The following DGKG variants were observed in gnomAD, a reference collection of about 807,000 sequenced individuals.
DGKG encodes the protein DAG kinase gamma.
In DGKG, 78 loss-of-function variants were observed where a neutral mutation model predicts 105.3. That is an observed-to-expected ratio of 0.74 (90% CI 0.62 to 0.89). The LOEUF (loss-of-function observed/expected upper bound fraction) is 0.89. Ranked by LOEUF, DGKG falls within the 40% of genes least tolerant of loss-of-function variation. The pLI is 0.00. For synonymous variants in DGKG, 346 were observed against 367.1 expected (o/e 0.94, Z 0.66); for missense variants, 958 against 1,020.1 (o/e 0.94, Z 0.83).
At chr3:186,323,980 T>C (rs1043874130) in intron 1 of DGKG, among the ~76,000 whole-genome samples, 1 of 147,542 alleles carries the variant, frequency 6.8e-6, no homozygotes, top group Middle Eastern at 3.6e-3. Flanking sequence ...TCGTGGTGCA[T>C]GCTTGTAATC....
chr3:186,305,473 T>G (rs1724189726), intron 3 of DGKG, among the ~76,000 whole-genome samples: 1 of 152,008 alleles, frequency 6.6e-6, no homozygotes, highest in Non-Finnish European at 1.5e-5. Flanking sequence ...GTCAGAGAGC[T>G]GGGGGAGGTG....
intron 15 of DGKG, among the ~76,000 whole-genome samples, 161 bp downstream of exon 15, chr3:186,261,538 C>T (rs892869955): frequency 1.3e-5 from 2 of 152,098 alleles, no homozygotes; most frequent in Non-Finnish European, 2.9e-5. Context: ...AACCGAGGCC[C>T]GGGGACATTA....
chr3:186,161,607 C>T lies in DGKG; in HGVS notation c.2273G>A (p.Cys758Tyr). 3.7e-6 allele frequency: 6 copies of T among 1,614,188 alleles called. No homozygotes were observed. Among genetic ancestry groups the T allele is most frequent in the Non-Finnish European group, 5.1e-6 (6 of 1,180,038 alleles). ...VDGEPWMQPC[C>Y]TIKITHKNQA... ...TCAAAGATTGGCAAGACTCACCGTG[C>T]AACATGGCTGCATCCAGGGTTCTCC... The change falls in exon 24 of 25, where the codon TGC (cysteine) becomes TAC (tyrosine). Residue 758 changes from cysteine (C) to tyrosine (Y), a missense_variant. Coordinates refer to ENST00000265022, the MANE Select transcript of DGKG (RefSeq NM_001346.3).
rs1378193862 is a variant in DGKG, at chr3:186,280,670, AG to A, written c.668del (p.Pro223LeufsTer3). 6.2e-7 allele frequency: 1 copy of A among 1,613,038 alleles called. No individual in the cohort carries two copies. Among genetic ancestry groups the A allele is most frequent in the Admixed American group, 1.7e-5 (1 of 59,990 alleles). On this transcript the variant is annotated frameshift_variant and splice_region_variant, in exon 8 of 25. Coordinates refer to ENST00000265022, the MANE Select transcript of DGKG (RefSeq NM_001346.3). LOFTEE classifies it high-confidence loss of function. Reference protein sequence around the residue: ...YLEWDPTELRPILKEMLQGMD... With the variant: ...YLEWDPTELRXILKEMLQGMD... ...CCACCCCATCCTTATAGAAACTCAC[AG>A]GCCTCAGCTCTGTGGGATCCCACTC...
intron 22 of DGKG, among the ~76,000 whole-genome samples, chr3:186,170,215 G>A (rs966758881): frequency 6.6e-6 from 1 of 152,224 alleles, no homozygotes; most frequent in African/African-American, 2.4e-5. Context: ...GTGAGCATAG[G>A]AGCTAGGCAT....
At chr3:186,233,372 C>A (rs1435077859) in intron 20 of DGKG, among the ~76,000 whole-genome samples, 1 of 152,206 alleles carries the variant, frequency 6.6e-6, no homozygotes, top group Non-Finnish European at 1.5e-5. Flanking sequence ...TTCCCCCAGA[C>A]TCTCCAGAAA....
intron 20 of DGKG, among the ~76,000 whole-genome samples, chr3:186,236,326 T>G (rs988608848): frequency 2.0e-5 from 3 of 152,252 alleles, no homozygotes; most frequent in African/African-American, 7.2e-5. Flanking sequence ...AACCCTTTTA[T>G]TGTCAATACT....
At chr3:186,171,723 A>G (rs1471674143) in intron 22 of DGKG, among the ~76,000 whole-genome samples, 1 of 152,252 alleles carries the variant, frequency 6.6e-6, no homozygotes, top group Admixed American at 6.5e-5. Context: ...GTACTTGCCC[A>G]GATTGTACTG....
chr3:186,343,540 G>A (rs990040957), intron 1 of DGKG, among the ~76,000 whole-genome samples: 5 of 152,054 alleles, frequency 3.3e-5, no homozygotes, highest in African/African-American at 1.2e-4. Flanking sequence ...CAATCTGCCT[G>A]CCTCCCAAAG....
chr3:186,208,891 G>T (rs1175207549), intron 21 of DGKG, among the ~76,000 whole-genome samples: 1 of 152,136 alleles, frequency 6.6e-6, no homozygotes, highest in African/African-American at 2.4e-5. Flanking sequence ...CACTCTAAAA[G>T]ACCTGGAATC....
intron 23 of DGKG, among the ~76,000 whole-genome samples, chr3:186,164,665 T>C (rs1716450266): frequency 6.6e-6 from 1 of 152,180 alleles, no homozygotes. Flanking sequence ...CTTCACCAGC[T>C]CAGTTTAACA....
At chr3:186,173,764 C>G (rs936148783) in intron 22 of DGKG, among the ~76,000 whole-genome samples, 1 of 152,204 alleles carries the variant, frequency 6.6e-6, no homozygotes, top group Non-Finnish European at 1.5e-5. Context: ...GGTGGGGAAA[C>G]GGAAAGAATC....
chr3:186,242,272 TC>T (rs1720724658), intron 20 of DGKG, among the ~76,000 whole-genome samples: 2 of 151,958 alleles, frequency 1.3e-5, no homozygotes, highest in African/African-American at 4.8e-5. Context: ...CCTCCTGCCC[TC>T]CAGCCCTGCC....
chr3:186,283,578 CAT>C (rs1459099156), intron 7 of DGKG, among the ~76,000 whole-genome samples: 13 of 152,192 alleles, frequency 8.5e-5, no homozygotes, highest in African/African-American at 2.7e-4. Context: ...CTACCTGACA[CAT>C]GTTTTTACTA....
chr3:186,220,994 C>T (rs963762475), intron 20 of DGKG, among the ~76,000 whole-genome samples: 5 of 152,218 alleles, frequency 3.3e-5, no homozygotes, highest in Non-Finnish European at 7.3e-5. Flanking sequence ...GATCCTTTCC[C>T]AGTGCAGCAC....
intron 16 of DGKG, among the ~76,000 whole-genome samples, chr3:186,259,178 A>G (rs1312948981): frequency 6.6e-5 from 10 of 152,220 alleles, no homozygotes; most frequent in Admixed American, 5.9e-4. Context: ...TTAGAGAGTG[A>G]CATGCGCATG....
Position 186,196,141 on chromosome 3 carries a change from T to C in DGKG, c.1918-7762A>G, listed in dbSNP as rs572514550. ...GATCTCTCTCTCTTTTTCTTTCTTT[T>C]TTTTTTTTTTTTTTAAGACTGAGTC... On this transcript the variant is annotated intron_variant, in intron 21 of 24. Transcript: ENST00000265022. Among the ~76,000 whole-genome samples, 65 of 149,404 alleles carry C rather than the reference T, an allele frequency of 4.4e-4. 1 individual carries two copies. The highest frequency in any genetic ancestry group is 3.5e-3 in the Middle Eastern group (1 of 288).
At chr3:186,313,934 G>A (rs1199222591) in intron 2 of DGKG, among the ~76,000 whole-genome samples, 1 of 151,772 alleles carries the variant, frequency 6.6e-6, no homozygotes, top group Non-Finnish European at 1.5e-5. Flanking sequence ...AGCATAAATA[G>A]CAAGGTTTTA....
chr3:186,233,133 T>TA (rs1720234102), intron 20 of DGKG, among the ~76,000 whole-genome samples: 2 of 152,006 alleles, frequency 1.3e-5, no homozygotes, highest in Non-Finnish European at 2.9e-5. Flanking sequence ...AGGTTGCAGA[T>TA]AGAGTTTAAG....
Sources: gnomAD v4.1 joint callset for allele counts (sites outside exome capture counted in the v4.1 genomes callset) on GRCh38, gnomAD v4.1.1 for gene constraint, MANE v1.5 for transcripts, NCBI Gene and HGNC (gene_info 2026-07-23, HGNC 2026-07-21) for gene names.